ROBO1: variants seen among roughly 807,000 people sequenced by gnomAD.
ROBO1 encodes the protein roundabout homolog 1.
Under a neutral mutation model 195.9 loss-of-function variants are expected in ROBO1, and 149 were observed. That is an observed-to-expected ratio of 0.76 (90% CI 0.67 to 0.87). The LOEUF (loss-of-function observed/expected upper bound fraction) is 0.87. Among genes scored for constraint, ROBO1 ranks in the 40% least tolerant of loss-of-function variants. The pLI is 0.00. For missense variants in ROBO1, 1,933 were observed against 2,068.3 expected (o/e 0.93, Z 1.27); for synonymous variants, 816 against 733.2 (o/e 1.11, Z -1.82).
At chr3:78,899,772 G>A (rs952665172) in intron 4 of ROBO1, among the ~76,000 whole-genome samples, 1 of 151,882 alleles carries the variant, frequency 6.6e-6, no homozygotes, top group Admixed American at 6.6e-5. Flanking sequence ...ACAAAACGGC[G>A]ATGGTTTTCC....
At chr3:79,419,988 A>C (rs903995032) in intron 2 of ROBO1, among the ~76,000 whole-genome samples, 4 of 152,088 alleles carry the variant, frequency 2.6e-5, no homozygotes, top group Non-Finnish European at 5.9e-5. Context: ...CTGGCTCTCT[A>C]ATAAGCTGTT....
At chr3:79,255,439 C>T (rs1488337096) in intron 2 of ROBO1, among the ~76,000 whole-genome samples, 1 of 152,162 alleles carries the variant, frequency 6.6e-6, no homozygotes, top group Non-Finnish European at 1.5e-5. Context: ...AATGCAGTTT[C>T]GTCTTAAGAC....
intron 4 of ROBO1, among the ~76,000 whole-genome samples, chr3:78,914,116 G>A (rs1318676389): frequency 9.9e-5 from 15 of 152,124 alleles, no homozygotes; most frequent in South Asian, 2.1e-4. Context: ...TGTATGGGCC[G>A]TTATTTCTTC....
chr3:78,613,678 A>G (rs1022078743), intron 28 of ROBO1, among the ~76,000 whole-genome samples: 8 of 152,200 alleles, frequency 5.3e-5, no homozygotes, highest in African/African-American at 1.9e-4. Context: ...TCATGCTGTG[A>G]GCTTTGTATT....
intron 3 of ROBO1, chr3:79,019,375 C>T (rs2078047077): frequency 3.0e-6 from 3 of 985,796 alleles, no homozygotes; most frequent in Middle Eastern, 5.2e-4. Context: ...GTGGGAGAGA[C>T]GGCCGCCGCG....
intron 2 of ROBO1, among the ~76,000 whole-genome samples, chr3:79,422,567 A>C (rs773211610): frequency 1.3e-5 from 2 of 152,206 alleles, no homozygotes; most frequent in Non-Finnish European, 2.9e-5. Flanking sequence ...ACAGAAAATA[A>C]GAATGAGAAA....
chr3:78,668,386 C>T, intron 12 of ROBO1, 84 bp from the exon 13 acceptor site: 2 of 1,586,554 alleles, frequency 1.3e-6, no homozygotes, highest in Non-Finnish European at 1.7e-6. Context: ...TATTCATACA[C>T]CTACTCAGGG....
chr3:79,268,926 T>A lies in ROBO1; in HGVS notation c.89-143387A>T, dbSNP rs530560782. Among the ~76,000 whole-genome samples the A allele has an allele frequency of 5.3e-5, 8 of 151,824 alleles. No individual in the cohort carries two copies. The East Asian group carries it at 1.6e-3, about 29-fold the overall frequency. On this transcript the variant is annotated intron_variant, in intron 2 of 30. Transcript: ENST00000464233. ...ATCATTTTTTGGACATTCTATATAT[T>A]TAAAATATTTCATAATAAGTACAAC...
intron 4 of ROBO1, among the ~76,000 whole-genome samples, chr3:78,881,413 G>C (rs952733692): frequency 6.6e-6 from 1 of 152,026 alleles, no homozygotes; most frequent in Admixed American, 6.6e-5. Flanking sequence ...CTCATGTATG[G>C]AGATATTTAT....
At chr3:78,690,280 CT>C (rs58219909) in intron 8 of ROBO1, among the ~76,000 whole-genome samples, 43,775 of 150,430 alleles carry the variant, frequency 0.29, 7,086 homozygotes, top group African/African-American at 0.44. Flanking sequence ...TTTCTATACT[CT>C]TTTTTTTTAA....
At chr3:79,568,912 A>AATTTTGTT (rs1472836859) in intron 2 of ROBO1, among the ~76,000 whole-genome samples, 2 of 152,126 alleles carry the variant, frequency 1.3e-5, no homozygotes, top group Non-Finnish European at 2.9e-5. Flanking sequence ...ATCTACATAT[A>AATTTTGTT]ATTTTGTTAC....
chr3:79,367,419 G>A (rs1237176889), intron 2 of ROBO1, among the ~76,000 whole-genome samples: 1 of 152,184 alleles, frequency 6.6e-6, no homozygotes, highest in Non-Finnish European at 1.5e-5. Context: ...ATAAAGAGCA[G>A]CAATGCTGAC....
chr3:79,766,623 C>G (rs1705011346), intron 1 of ROBO1, among the ~76,000 whole-genome samples: 1 of 152,014 alleles, frequency 6.6e-6, no homozygotes, highest in Non-Finnish European at 1.5e-5. Context: ...GTTGCCACGC[C>G]GAGTTTTCCG....
chr3:79,666,933 C>A lies in ROBO1; in HGVS notation c.-50-76972G>T. ...ACTTTATTTATACTCTCAAAAATATCTGTTCTAGAGTCTAGATGACTGGAT... is the reference window on the plus strand; with the variant it reads ...ACTTTATTTATACTCTCAAAAATATATGTTCTAGAGTCTAGATGACTGGAT... On this transcript the variant is annotated intron_variant, in intron 1 of 30. Transcript: ENST00000464233. 1.3e-5 allele frequency among the ~76,000 whole-genome samples: 2 copies of A among 151,882 alleles called. 1 individual carries two copies. The highest frequency in any genetic ancestry group is 2.9e-5 in the Non-Finnish European group (2 of 67,932).
At chr3:79,179,987 A>C (rs2081314280) in intron 2 of ROBO1, among the ~76,000 whole-genome samples, 1 of 152,196 alleles carries the variant, frequency 6.6e-6, no homozygotes, top group Admixed American at 6.5e-5. Flanking sequence ...AGTTTTAAAA[A>C]TTCTGGTAAC....
chr3:79,603,484 T>C (rs1944397548), intron 1 of ROBO1, among the ~76,000 whole-genome samples: 1 of 151,944 alleles, frequency 6.6e-6, no homozygotes, highest in Admixed American at 6.6e-5. Context: ...TATCCTGAGA[T>C]GTGAGTATAT....
chr3:78,937,482 G>C (rs28431826), intron 4 of ROBO1, among the ~76,000 whole-genome samples: 17,751 of 151,720 alleles, frequency 0.12, 2,599 homozygotes, highest in African/African-American at 0.35. Context: ...AATTTCATTT[G>C]TCTCTCCAAT....
At chr3:79,237,491 A>T (rs762405279) in intron 2 of ROBO1, among the ~76,000 whole-genome samples, 3,535 of 151,824 alleles carry the variant, frequency 0.023, 70 homozygotes, top group Non-Finnish European at 0.027. Context: ...AAAAAAAAAA[A>T]AATAATAATA....
chr3:78,972,841 A>C (rs1404253808), intron 3 of ROBO1, among the ~76,000 whole-genome samples: 1 of 152,140 alleles, frequency 6.6e-6, no homozygotes, highest in Non-Finnish European at 1.5e-5. Flanking sequence ...TACACAGATG[A>C]CTAATGTTGG....
Sources: gnomAD v4.1 joint callset for allele counts (sites outside exome capture counted in the v4.1 genomes callset) on GRCh38, gnomAD v4.1.1 for gene constraint, MANE v1.5 for transcripts, NCBI Gene and HGNC (gene_info 2026-07-23, HGNC 2026-07-21) for gene names.